ISM1: variants seen among roughly 807,000 people sequenced by gnomAD.
The protein encoded by ISM1 is isthmin 1.
A neutral mutation model predicts 46.3 loss-of-function variants in ISM1; 25 were observed. The ratio of observed to expected loss-of-function variants is 0.54; its 90% CI spans 0.39 to 0.75. The LOEUF (loss-of-function observed/expected upper bound fraction) is 0.75. Ranked by LOEUF, ISM1 falls within the 30% of genes least tolerant of loss-of-function variation. ISM1 has a pLI of 0.00. For synonymous variants in ISM1, 255 were observed against 256.7 expected, an observed-to-expected ratio of 0.99 and a Z score of 0.06; for missense variants, 536 against 625.4, an observed-to-expected ratio of 0.86 and a Z score of 1.52.
chr20:13,229,958 C>T (rs1256724378), intron 1 of ISM1, among the ~76,000 whole-genome samples: 1 of 152,126 alleles, frequency 6.6e-6, no homozygotes, highest in African/African-American at 2.4e-5. Flanking sequence ...TGGTCGGCCA[C>T]CTTGAGCTCA....
At chr20:13,260,301 A>C (rs781486071) in intron 1 of ISM1, among the ~76,000 whole-genome samples, 4 of 152,256 alleles carry the variant, frequency 2.6e-5, no homozygotes, top group Non-Finnish European at 5.9e-5. Context: ...AGAGCTGTAC[A>C]GGTGCATCAT....
intron 1 of ISM1, among the ~76,000 whole-genome samples, chr20:13,245,643 A>G (rs946788777): frequency 6.6e-6 from 1 of 152,206 alleles, no homozygotes; most frequent in East Asian, 1.9e-4. Flanking sequence ...ACTCTAGTGT[A>G]GTTACATGGG....
At chr20:13,305,416 A>G (rs938921121), downstream of ISM1, among the ~76,000 whole-genome samples, 2 of 152,310 alleles carry the variant, frequency 1.3e-5, no homozygotes, top group East Asian at 1.9e-4. Flanking sequence ...GTGAGTGTCA[A>G]TTCCATCCCG....
At position 13,279,889 on chromosome 20, in the gene ISM1, C is replaced by G; in HGVS notation, c.634C>G (p.Pro212Ala). ...CCGGACTTTTGAAACCAAAGATCAG[C>G]CAGAATATGGTGAGTTTACCACCTA... ...GHRTFETKDQ[P>A]EYDSTDGEGD... Residue 212 changes from proline to alanine, a missense_variant, in exon 3 of 6, where the codon CCA becomes GCA. Pro to Ala is a conservative substitution (Grantham distance 27). Coordinates refer to ENST00000262487, the MANE Select transcript of ISM1 (RefSeq NM_080826.2). 1 of 1,613,758 alleles carries G rather than the reference C, an allele frequency of 6.2e-7. No individual in the cohort carries two copies. The highest frequency in any genetic ancestry group is 1.1e-5 in the South Asian group (1 of 91,066).
the ISM1 span, among the ~76,000 whole-genome samples, chr20:13,323,054 G>A: frequency 6.6e-6 from 1 of 151,702 alleles, no homozygotes; most frequent in Non-Finnish European, 1.5e-5. Context: ...CATACTCTGG[G>A]GGAAGACACC....
chr20:13,246,676 A>G (rs113627997), intron 1 of ISM1, among the ~76,000 whole-genome samples: 5,537 of 152,322 alleles, frequency 0.036, 175 homozygotes, highest in African/African-American at 0.077. Context: ...GACAATGGCA[A>G]AGCCATGATT....
At chr20:13,224,878 C>A in intron 1 of ISM1, among the ~76,000 whole-genome samples, 1 of 131,082 alleles carries the variant, frequency 7.6e-6, no homozygotes, top group Admixed American at 8.4e-5. Flanking sequence ...CGCAGTCTTG[C>A]TCTGTCGCCC....
intron 5 of ISM1, among the ~76,000 whole-genome samples, chr20:13,298,243 T>C (rs936547999): frequency 6.6e-6 from 1 of 152,142 alleles, no homozygotes; most frequent in Non-Finnish European, 1.5e-5. Flanking sequence ...GTAGCTGGGA[T>C]TACAGGCGCA....
chr20:13,245,146 A>G lies in ISM1; in HGVS notation c.138+23232A>G, dbSNP rs571699858. The G allele has an allele frequency of 7.2e-5, 11 of 152,212 alleles. No homozygotes were observed. The East Asian group carries it at 2.1e-3, about 29-fold the overall frequency. 9.4% of individuals were successfully genotyped at this position (152,212 alleles called of 1,614,324 possible). A position where few individuals can be genotyped will look rare whatever the true frequency, so the allele number is the denominator to read the frequency against. On this transcript the variant is annotated intron_variant, in intron 1 of 5. Transcript: ENST00000262487. ...ATTGGTTATCTATTGCTGTATAACA[A>G]ATTACCCTATACTTATGCTACCCCG...
chr20:13,288,567 G>A lies in ISM1; in HGVS notation c.671G>A (p.Ser224Asn). The A allele has an allele frequency of 1.2e-6, 2 of 1,613,948 alleles. No individual in the cohort carries two copies. Among genetic ancestry groups the A allele is most frequent in the Non-Finnish European group, 1.7e-6 (2 of 1,179,868 alleles). Reference sequence around the variant, plus strand: ...TCCACAGATGGCGAGGGTGACTGGAGTCTCTGGTCTGTCTGCAGCGTCACC... The same window carrying A: ...TCCACAGATGGCGAGGGTGACTGGAATCTCTGGTCTGTCTGCAGCGTCACC... ...YDSTDGEGDW[S>N]LWSVCSVTCG... The change falls in exon 4 of 6, where the codon AGT becomes AAT. Residue 224 changes from serine (S) to asparagine (N), a missense_variant. Ser to Asn is a conservative substitution (Grantham distance 46). Around this residue, in one of 2 missense-constraint regions of ISM1, gnomAD observed 367 missense variants for 376.1 expected, o/e 0.98. Transcript: ENST00000262487.
intron 1 of ISM1, among the ~76,000 whole-genome samples, chr20:13,265,063 A>G (rs768728447): frequency 1.3e-5 from 2 of 152,276 alleles, no homozygotes; most frequent in Non-Finnish European, 1.5e-5. Context: ...TGTGTATAAT[A>G]TTTAACTCTG....
intron 3 of ISM1, among the ~76,000 whole-genome samples, chr20:13,282,199 A>G (rs1384609950): frequency 1.3e-5 from 2 of 151,918 alleles, no homozygotes; most frequent in East Asian, 3.9e-4. Context: ...TTGAATTGGG[A>G]TCTCTGAATA....
At chr20:13,317,664 C>A in the ISM1 span, among the ~76,000 whole-genome samples, 6,771 of 152,090 alleles carry the variant, frequency 0.045, 469 homozygotes, top group African/African-American at 0.15. Context: ...TGACCTTTGA[C>A]AAGGGATGAA....
chr20:13,239,474 G>A (rs1201083983), intron 1 of ISM1: 1 of 152,224 alleles, frequency 6.6e-6, no homozygotes, highest in Non-Finnish European at 1.5e-5. Flanking sequence ...TAAGGTGAAT[G>A]CTAGTGGGGG....
At chr20:13,315,113 G>T in the ISM1 span, among the ~76,000 whole-genome samples, 3 of 149,026 alleles carry the variant, frequency 2.0e-5, no homozygotes, top group African/African-American at 7.3e-5. Context: ...GGCAGAAAAA[G>T]AATGGAAGAC....
intron 1 of ISM1, chr20:13,238,007 C>A (rs971429611): frequency 6.6e-6 from 1 of 152,208 alleles, no homozygotes; most frequent in Non-Finnish European, 1.5e-5. Context: ...TGCTTGACTT[C>A]ATTCCCCTTA....
the ISM1 span, among the ~76,000 whole-genome samples, chr20:13,323,941 A>G: frequency 6.6e-6 from 1 of 152,128 alleles, no homozygotes; most frequent in Non-Finnish European, 1.5e-5. Flanking sequence ...CTTTCTTGTG[A>G]GTCTTTCTGA....
the ISM1 span, among the ~76,000 whole-genome samples, chr20:13,324,963 T>C: frequency 6.6e-6 from 1 of 152,224 alleles, no homozygotes; most frequent in Non-Finnish European, 1.5e-5. Context: ...ACCATCTGAA[T>C]AGAAAATATT....
chr20:13,277,260 A>G (rs1240761384), intron 2 of ISM1, among the ~76,000 whole-genome samples: 3 of 152,190 alleles, frequency 2.0e-5, no homozygotes, highest in South Asian at 4.1e-4. Flanking sequence ...CAGTCTGAAT[A>G]CAAATGGAAT....
Sources: gnomAD v4.1 joint callset for allele counts (sites outside exome capture counted in the v4.1 genomes callset) on GRCh38, gnomAD v4.1.1 for gene constraint, gnomAD v4.1.1 regional missense constraint, MANE v1.5 for transcripts, NCBI Gene and HGNC (gene_info 2026-07-23, HGNC 2026-07-21) for gene names.